COL4A6: variants seen among roughly 807,000 people sequenced by gnomAD.
COL4A6 encodes the protein collagen alpha-6(IV) chain.
In COL4A6, 59 loss-of-function variants were observed where a neutral mutation model predicts 126.7. That is an observed-to-expected ratio of 0.47 (90% CI 0.38 to 0.58). The LOEUF is 0.58. Among genes scored for constraint, COL4A6 ranks in the 20% least tolerant of loss-of-function variants. The probability of loss-of-function intolerance (pLI) is 0.00; values close to 1 mark genes in which losing one functional copy is unlikely to be tolerated. For missense variants in COL4A6, 1,285 were observed against 1,337.3 expected (o/e 0.96, Z 0.61); for synonymous variants, 547 against 496.6 (o/e 1.10, Z -1.35).
chrX:108,285,881 T>C, intron 3 of COL4A6, among the ~76,000 whole-genome samples: 1 of 111,759 alleles, frequency 8.9e-6, no homozygotes, highest in South Asian at 3.8e-4. Flanking sequence ...AAAGAAATTC[T>C]GGGTAGGAGT....
chrX:108,343,156 T>TAC (rs2039613426), intron 2 of COL4A6, among the ~76,000 whole-genome samples: 1 of 74,021 alleles, frequency 1.4e-5, no homozygotes, highest in Admixed American at 1.6e-4. Context: ...TATATATATA[T>TAC]ATATATATAG....
chrX:108,327,050 G>A (rs956106181), intron 2 of COL4A6, among the ~76,000 whole-genome samples: 1 of 110,945 alleles, frequency 9.0e-6, no homozygotes, highest in Non-Finnish European at 1.9e-5. Flanking sequence ...TATCTCAGGG[G>A]TCTCCAACTC....
intron 3 of COL4A6, among the ~76,000 whole-genome samples, chrX:108,283,214 C>G (rs1222862834): frequency 9.0e-6 from 1 of 111,367 alleles, no homozygotes; most frequent in East Asian, 2.8e-4. Context: ...AGATAGTCAG[C>G]CTTTGAGGCA....
intron 2 of COL4A6, among the ~76,000 whole-genome samples, chrX:108,341,316 G>A (rs2039558814): frequency 9.0e-6 from 1 of 110,895 alleles, no homozygotes; most frequent in Admixed American, 9.6e-5. Context: ...CTAACTCCCT[G>A]TATGGTTTGG....
intron 2 of COL4A6, among the ~76,000 whole-genome samples, chrX:108,425,633 C>T (rs2064066549): frequency 1.8e-5 from 2 of 108,635 alleles, no homozygotes; most frequent in South Asian, 8.4e-4. Context: ...ACTCGGGAGG[C>T]TGAGGCAGGA....
intron 37 of COL4A6, among the ~76,000 whole-genome samples, chrX:108,168,794 A>G (rs1476418837): frequency 8.9e-6 from 1 of 112,077 alleles, no homozygotes; most frequent in African/African-American, 3.2e-5. Flanking sequence ...CTGATTTCAG[A>G]GCCCATACTC....
intron 10 of COL4A6, 23 bp downstream of exon 10, chrX:108,205,637 G>A: frequency 1.7e-6 from 2 of 1,203,213 alleles, no homozygotes; most frequent in South Asian, 1.8e-5. Context: ...GAAGCAAAAT[G>A]CCCTAAGACA....
intron 3 of COL4A6, among the ~76,000 whole-genome samples, chrX:108,247,143 G>A (rs1279981828): frequency 9.1e-6 from 1 of 110,464 alleles, no homozygotes; most frequent in East Asian, 2.9e-4. Flanking sequence ...TTGAGAGGCA[G>A]CATGGCACAG....
intron 2 of COL4A6, among the ~76,000 whole-genome samples, chrX:108,341,189 C>A (rs1215540318): frequency 9.0e-6 from 1 of 111,361 alleles, no homozygotes; most frequent in Non-Finnish European, 1.9e-5. Flanking sequence ...TACAAGTACA[C>A]AATAACATGT....
At chrX:108,378,674 G>A (rs1418579682) in intron 2 of COL4A6, among the ~76,000 whole-genome samples, 2 of 112,870 alleles carry the variant, frequency 1.8e-5, no homozygotes, top group Non-Finnish European at 3.7e-5. Context: ...AACTATTCAT[G>A]TAATCTTCCA....
At chrX:108,278,161 A>C in intron 3 of COL4A6, among the ~76,000 whole-genome samples, 1 of 112,549 alleles carries the variant, frequency 8.9e-6, no homozygotes, top group Non-Finnish European at 1.9e-5. Flanking sequence ...TGACGAGTTG[A>C]GAGAAGAAGG....
chrX:108,245,161 G>A (rs769134101), intron 3 of COL4A6, among the ~76,000 whole-genome samples: 10 of 112,284 alleles, frequency 8.9e-5, no homozygotes, highest in South Asian at 7.4e-4. Context: ...AGAAGGGTGC[G>A]TGCATGTGTG....
chrX:108,277,364 C>T (rs1052620962), intron 3 of COL4A6, among the ~76,000 whole-genome samples: 23 of 112,310 alleles, frequency 2.0e-4, no homozygotes, highest in South Asian at 7.5e-4. Flanking sequence ...GAGGGTCCTA[C>T]GCCCATGGAG....
chrX:108,296,149 C>A (rs1042212052), intron 3 of COL4A6, among the ~76,000 whole-genome samples: 1 of 111,804 alleles, frequency 8.9e-6, no homozygotes, highest in Admixed American at 9.5e-5. Context: ...GTGGTAGGAG[C>A]AGGAAAGTGT....
intron 2 of COL4A6, among the ~76,000 whole-genome samples, chrX:108,311,836 A>G (rs2038769671): frequency 1.8e-5 from 2 of 111,873 alleles, no homozygotes; most frequent in African/African-American, 6.5e-5. Context: ...CCAACACTGC[A>G]TCTCCAATGT....
chrX:108,365,353 AAAGG>A (rs1473710642), intron 2 of COL4A6, among the ~76,000 whole-genome samples: 1 of 112,024 alleles, frequency 8.9e-6, no homozygotes, highest in African/African-American at 3.2e-5. Flanking sequence ...AGGATAGATG[AAAGG>A]AAGGAAGCAA....
intron 3 of COL4A6, among the ~76,000 whole-genome samples, chrX:108,271,687 C>T (rs1267580202): frequency 9.0e-6 from 1 of 111,139 alleles, no homozygotes; most frequent in African/African-American, 3.3e-5. Context: ...AGATATGGAC[C>T]TAGAAAGTTC....
At chrX:108,424,916 G>C (rs1440009183) in intron 2 of COL4A6, among the ~76,000 whole-genome samples, 1 of 110,380 alleles carries the variant, frequency 9.1e-6, no homozygotes, top group African/African-American at 3.3e-5. Context: ...GGGGGCTGAG[G>C]CAGGAGGATC....
rs1262370073 is a variant in COL4A6, at chrX:108,172,550, A to C, written c.3139-18T>G. ...TGTGAACCCTTCGAAGCAATATGGG[A>C]ATCATCATTTCTGCCCAGAGCTCAG... On this transcript the variant is annotated intron_variant, in intron 31 of 44. Coordinates refer to ENST00000334504, the MANE Select transcript of COL4A6 (RefSeq NM_033641.4). 7 of 1,183,155 alleles carry C rather than the reference A, an allele frequency of 5.9e-6. No homozygotes were observed. The highest frequency in any genetic ancestry group is 8.0e-6 in the Non-Finnish European group (7 of 875,548).
Sources: allele counts gnomAD v4.1 joint callset (sites outside exome capture counted in the v4.1 genomes callset), GRCh38; gene constraint gnomAD v4.1.1; transcripts MANE v1.5; gene names NCBI Gene and HGNC (gene_info 2026-07-23, HGNC 2026-07-21).